The following CD320 variants were observed in gnomAD, a reference collection of about 807,000 sequenced individuals.
CD320 encodes the protein CD320 antigen.
CD320 carries 16 observed loss-of-function variants against 22.1 expected under a neutral mutation model. That is an observed-to-expected ratio of 0.73 (90% CI 0.49 to 1.10). The LOEUF (loss-of-function observed/expected upper bound fraction) is 1.10. Ranked by LOEUF, CD320 falls within the 50% of genes least tolerant of loss-of-function variation. CD320 has a pLI of 0.00. For missense variants in CD320, 388 were observed against 376.9 expected, an observed-to-expected ratio of 1.03 and a Z score of -0.24; for synonymous variants, 188 against 167.8, an observed-to-expected ratio of 1.12 and a Z score of -0.93.
At chr19:8,305,875 G>T (rs936167396) in intron 1 of CD320, 1 of 152,298 alleles carries the variant, frequency 6.6e-6, no homozygotes, top group Admixed American at 6.5e-5. Flanking sequence ...ACATGCCCTG[G>T]GTCAGGCTCC....
In CD320 at chr19:8,303,957, C is replaced by T. The variant is rs1290903628; in HGVS notation, c.400G>A (p.Ala134Thr). ...LRNCSRLACL[A>T]GELRCTLSDD... ...CTCAGCGTGCAACGGAGCTCGCCTG[C>T]TAGGCAGGCCAGGCGGCTGCAGTTG... The change falls in exon 3 of 5, where the codon GCA (alanine) becomes ACA (threonine). Residue 134 changes from alanine to threonine, a missense_variant. Coordinates refer to ENST00000301458, the MANE Select transcript of CD320 (RefSeq NM_016579.4). The T allele has an allele frequency of 3.1e-6, 5 of 1,589,378 alleles. No homozygotes were observed. The Middle Eastern group carries it at 6.6e-4, about 210-fold the overall frequency.
rs578197871 is a variant in CD320, at chr19:8,302,418, C to A, written c.*45G>T. Reference sequence around the variant, plus strand: ...TCCGCATCACTGCTCTCCTCCTGTCCGGCTACGCCCAGGGCTGAGTGACGG... The same window carrying A: ...TCCGCATCACTGCTCTCCTCCTGTCAGGCTACGCCCAGGGCTGAGTGACGG... On this transcript the variant is annotated 3_prime_UTR_variant, in exon 5 of 5. Transcript: ENST00000301458. 1.2e-6 allele frequency: 2 copies of A among 1,613,284 alleles called. No individual in the cohort carries two copies. Among genetic ancestry groups the A allele is most frequent in the South Asian group, 1.1e-5 (1 of 91,052 alleles).
rs369347295 is a variant in CD320, at chr19:8,302,551, C to T, written c.761G>A (p.Arg254Gln). 6.5e-5 allele frequency: 105 copies of T among 1,613,962 alleles called. No individual in the cohort carries two copies. The highest frequency in any genetic ancestry group is 6.9e-5 in the Non-Finnish European group (82 of 1,179,982). Residue 254 changes from arginine (R) to glutamine (Q), a missense_variant, in exon 5 of 5, where the codon CGA becomes CAA. Arg to Gln is a conservative substitution (Grantham distance 43, BLOSUM62 1). Transcript: ENST00000301458. ...CAGTGGGCGGAGGCGCTCCTGGGCT[C>T]GGAGCCAGGACAAAAGGAGGAGGGT... ...TATLLLLSWL[R>Q]AQERLRPLGL...
intron 1 of CD320, among the ~76,000 whole-genome samples, chr19:8,306,441 TGGAGGGGCAC>T (rs1390689150): frequency 1.3e-5 from 2 of 152,176 alleles, no homozygotes; most frequent in Non-Finnish European, 1.5e-5. Flanking sequence ...CTTGCCGACC[TGGAGGGGCAC>T]GGAGGGGCCC....
chr19:8,302,605 G>A lies in CD320; in HGVS notation c.707C>T (p.Ala236Val), dbSNP rs776727775. 11 of 1,613,442 alleles carry A rather than the reference G, an allele frequency of 6.8e-6. No homozygotes were observed. The highest frequency in any genetic ancestry group is 2.2e-5 in the East Asian group (1 of 44,878). Residue 236 changes from alanine to valine, a missense_variant and splice_region_variant, in exon 5 of 5, where the codon GCG (alanine) becomes GTG (valine). Transcript: ENST00000301458. Reference protein sequence around the residue: ...PTAYGVIAAAAVLSASLVTAT... With the variant: ...PTAYGVIAAAVVLSASLVTAT... ...GGTGACCAGGCTTGCACTGAGCACCGCTGTGGGGAACAGATGGACAGAGGA... is the reference window on the plus strand; with the variant it reads ...GGTGACCAGGCTTGCACTGAGCACCACTGTGGGGAACAGATGGACAGAGGA...
At chr19:8,304,645 C>A in intron 2 of CD320, 1 of 251,448 alleles carries the variant, frequency 4.0e-6, no homozygotes, top group Non-Finnish European at 7.9e-6. Context: ...ACCTGGCTCC[C>A]TCCCTCTCTC....
At position 8,302,473 on chromosome 19, in the gene CD320, G is replaced by A. The variant is rs1304619591; in HGVS notation, c.839C>T (p.Ser280Leu). 5 of 1,614,026 alleles carry A rather than the reference G, an allele frequency of 3.1e-6. No homozygotes were observed. The highest frequency in any genetic ancestry group is 2.7e-5 in the African/African-American group (2 of 74,924). ...GGCAAGTGCTTGTCCTCAGGGCAGC[G>A]AGGTCTTCTGTTCTGACAGCAGCAG... ...ESLLLSEQKT[S>L]LP Residue 280 changes from serine (S) to leucine (L), a missense_variant, in exon 5 of 5, where the codon TCG (serine) becomes TTG (leucine). Ser to Leu is a moderately radical substitution (Grantham distance 145). Coordinates refer to ENST00000301458, the MANE Select transcript of CD320 (RefSeq NM_016579.4).
rs766646483 is a variant in CD320 at position 8,308,237 on chromosome 19, G to A, written c.54C>T (p.Gly18=). 4 of 1,581,350 alleles carry A rather than the reference G, an allele frequency of 2.5e-6. No individual in the cohort carries two copies. Among genetic ancestry groups the A allele is most frequent in the East Asian group, 2.3e-5 (1 of 43,830 alleles). The change falls in exon 1 of 5, where the codon GGC becomes GGT. Residue 18 remains glycine (G), a synonymous_variant. Transcript: ENST00000301458. ...QVGAWRTGAL[G]LALLLLLGLG... is the part of the protein sequence containing the mutation. ...GGCCGAGCAGCAGCAGCAGCGCCAG[G>A]CCCAGAGCCCCTGTTCGCCACGCTC...
chr19:8,303,627 C>G (rs959359883), intron 3 of CD320, among the ~76,000 whole-genome samples: 24 of 151,990 alleles, frequency 1.6e-4, no homozygotes, highest in African/African-American at 5.6e-4. Context: ...GTTTGCCAGG[C>G]AGGTCTCGAA....
intron 2 of CD320, 45 bp downstream of exon 2, chr19:8,304,986 A>T: frequency 6.3e-7 from 1 of 1,595,812 alleles, no homozygotes. Context: ...AACCACCCTC[A>T]GGCCCCGCCC....
At chr19:8,305,835 TAA>T (rs919205928) in intron 1 of CD320, 1 of 152,392 alleles carries the variant, frequency 6.6e-6, no homozygotes, top group Non-Finnish European at 1.5e-5. Flanking sequence ...ACTCAGTGGT[TAA>T]AGAGACTGAG....
At chr19:8,306,021 TC>T (rs2145379653) in intron 1 of CD320, 1 of 152,326 alleles carries the variant, frequency 6.6e-6, no homozygotes, top group Admixed American at 6.5e-5. Context: ...CCTGAATTCC[TC>T]CCAGACCTAT....
intron 2 of CD320, 137 bp from the exon 3 acceptor site, chr19:8,304,225 C>A: frequency 1.6e-6 from 1 of 616,962 alleles, no homozygotes; most frequent in Non-Finnish European, 3.0e-6. Context: ...AGGCTCCGCC[C>A]CCTGCAACTG....
At chr19:8,303,112 G>GTCTTT in intron 3 of CD320, 132 bp from the exon 4 acceptor site, 2 of 600,564 alleles carry the variant, frequency 3.3e-6, no homozygotes, top group Non-Finnish European at 5.8e-6. Flanking sequence ...CCGTAATTAT[G>GTCTTT]TCTTTTTTTT....
intron 1 of CD320, among the ~76,000 whole-genome samples, chr19:8,306,374 A>G (rs997634167): frequency 4.6e-5 from 7 of 152,212 alleles, no homozygotes. Context: ...TAAGGGTCCA[A>G]GCTGGGTCCA....
intron 2 of CD320, among the ~76,000 whole-genome samples, chr19:8,304,475 T>C (rs1311130370): frequency 6.6e-6 from 1 of 152,118 alleles, no homozygotes; most frequent in African/African-American, 2.4e-5. Context: ...CCTGACTAGC[T>C]GGGATTACAG....
Position 8,305,931 on chromosome 19 carries a change from AGGGAAACTGAGGCAGTGGGT to A in CD320, c.143-795_143-776del, listed in dbSNP as rs930450612. On this transcript the variant is annotated intron_variant, in intron 1 of 4. Transcript: ENST00000301458. Reference sequence around the variant, plus strand: ...GGGTCTATCTCCTCTGCGTAGCAAAAGGGAAACTGAGGCAGTGGGTGGGAAACTGAGGCACTGGGTAGAAA... The same window carrying A: ...GGGTCTATCTCCTCTGCGTAGCAAAAGGGAAACTGAGGCACTGGGTAGAAA... 13 of 152,322 alleles carry A rather than the reference AGGGAAACTGAGGCAGTGGGT, an allele frequency of 8.5e-5. 2 individuals carry two copies. Among genetic ancestry groups the A allele is most frequent in the Admixed American group, 1.3e-4 (2 of 15,280 alleles). 9.4% of individuals were successfully genotyped at this position (152,322 alleles called of 1,614,324 possible).
Position 8,302,545 on chromosome 19 carries a change from T to C in CD320, c.767A>G (p.Gln256Arg), listed in dbSNP as rs754015329. 2.5e-6 allele frequency: 4 copies of C among 1,614,064 alleles called. No homozygotes were observed. The highest frequency in any genetic ancestry group is 2.5e-6 in the Non-Finnish European group (3 of 1,180,004). The change falls in exon 5 of 5, where the codon CAG (glutamine) becomes CGG (arginine). Residue 256 changes from glutamine to arginine, a missense_variant. By Grantham distance (43) the Gln-to-Arg change is conservative. Transcript: ENST00000301458. ...TAACCCCAGTGGGCGGAGGCGCTCC[T>C]GGGCTCGGAGCCAGGACAAAAGGAG... ...TLLLLSWLRA[Q>R]ERLRPLGLLV...
Position 8,304,087 on chromosome 19 carries a change from C to T in CD320, c.270G>A (p.Arg90=), listed in dbSNP as rs1448693228. Reference sequence around the variant, plus strand: ...GCCCTTTCTGGGTACATGGCTCAATCCCTGGGGCACAGGGTTGGTCAGGTC... The same window carrying T: ...GCCCTTTCTGGGTACATGGCTCAATTCCTGGGGCACAGGGTTGGTCAGGTC... ...CSDGSDEEEC[R]IEPCTQKGQC... is the part of the protein sequence containing the mutation. The change falls in exon 3 of 5, where the codon AGG becomes AGA. Residue 90 remains arginine, a splice_region_variant and synonymous_variant. Transcript: ENST00000301458. 3 of 1,500,632 alleles carry T rather than the reference C, an allele frequency of 2.0e-6. No homozygotes were observed. The highest frequency in any genetic ancestry group is 2.5e-5 in the East Asian group (1 of 40,640). The allele number at this position is 1,500,632 out of a possible 1,614,324, so 93.0% of individuals were successfully genotyped here. A position where few individuals can be genotyped will look rare whatever the true frequency, so the allele number is the denominator to read the frequency against.
Sources: allele counts gnomAD v4.1 joint callset (sites outside exome capture counted in the v4.1 genomes callset), GRCh38; gene constraint gnomAD v4.1.1; transcripts MANE v1.5; gene names NCBI Gene and HGNC (gene_info 2026-07-23, HGNC 2026-07-21).